Variants in VPS13A observed in about 807,000 individuals in gnomAD.
The protein encoded by VPS13A is vacuolar protein sorting 13 homolog A.
In VPS13A, 264 loss-of-function variants were observed where a neutral mutation model predicts 390.9. That is an observed-to-expected ratio of 0.68 (90% CI 0.61 to 0.75). The LOEUF (loss-of-function observed/expected upper bound fraction) is 0.75. VPS13A is among the 30% of genes least tolerant of loss of function. VPS13A has a pLI of 0.00. For missense variants in VPS13A, 3,409 were observed against 3,733.9 expected (o/e 0.91, Z 2.27); for synonymous variants, 1,231 against 1,227.1 (o/e 1.00, Z -0.07).
In VPS13A at chr9:77,227,272, T is replaced by C. The variant is rs994576584; in HGVS notation, c.1358-119T>C. Reference sequence around the variant, plus strand: ...GCCCCATTCAAACATTCAGTGTTTATAATTTCTTAAGAGCGTTCAAGAAAG... The same window carrying C: ...GCCCCATTCAAACATTCAGTGTTTACAATTTCTTAAGAGCGTTCAAGAAAG... On this transcript the variant is annotated intron_variant, in intron 15 of 71. Transcript: ENST00000360280. 13 of 741,286 alleles carry C rather than the reference T, an allele frequency of 1.8e-5. No individual in the cohort carries two copies. The African/African-American group carries it at 1.9e-4, about 11-fold the overall frequency. The allele number at this position is 741,286 out of a possible 1,614,324, so 45.9% of individuals were successfully genotyped here.
rs183237144 is a variant in VPS13A, at chr9:77,294,879, A to T, written c.3508-663A>T. ...AGGCCCTGCTAATTTTTTATTTTTA[A>T]TTTTTTTTTTAAGACACGATCTCGC... On this transcript the variant is annotated intron_variant, in intron 32 of 71. Coordinates refer to ENST00000360280, the MANE Select transcript of VPS13A (RefSeq NM_033305.3). 4.0e-3 allele frequency among the ~76,000 whole-genome samples: 605 copies of T among 150,002 alleles called. 3 individuals are homozygous for T. The highest frequency in any genetic ancestry group is 6.3e-3 in the Admixed American group (94 of 14,978).
intron 71 of VPS13A, among the ~76,000 whole-genome samples, chr9:77,410,882 G>A (rs529830082): frequency 7.9e-5 from 12 of 152,046 alleles, no homozygotes; most frequent in East Asian, 3.9e-4. Flanking sequence ...TTAGATCAAC[G>A]AGACAAAGTT....
chr9:77,237,947 A>G, intron 17 of VPS13A, 55 bp from the exon 18 acceptor site: 1 of 1,366,104 alleles, frequency 7.3e-7, no homozygotes, highest in South Asian at 1.3e-5. Flanking sequence ...TTCAATTTTT[A>G]AAATCCTTCA....
chr9:77,192,433 A>C (rs1206078524), intron 1 of VPS13A, among the ~76,000 whole-genome samples: 2 of 151,818 alleles, frequency 1.3e-5, no homozygotes, highest in Admixed American at 1.3e-4. Flanking sequence ...TGCTTTATAG[A>C]GTTAGTGGTC....
chr9:77,384,253 C>T (rs1159201079), intron 68 of VPS13A, among the ~76,000 whole-genome samples: 1 of 151,710 alleles, frequency 6.6e-6, no homozygotes, highest in Non-Finnish European at 1.5e-5. Context: ...GTGTACCTTT[C>T]TATCTAGAAG....
At chr9:77,410,433 T>C (rs1834863848) in intron 71 of VPS13A, among the ~76,000 whole-genome samples, 1 of 152,110 alleles carries the variant, frequency 6.6e-6, no homozygotes, top group Non-Finnish European at 1.5e-5. Flanking sequence ...AGGATCAAAT[T>C]CACACATAAC....
At chr9:77,304,023 C>T (rs527879898) in intron 34 of VPS13A, among the ~76,000 whole-genome samples, 51 of 152,218 alleles carry the variant, frequency 3.4e-4, no homozygotes, top group Middle Eastern at 3.4e-3. Context: ...GACTGGGGGA[C>T]GGTCAGGTCT....
intron 35 of VPS13A, among the ~76,000 whole-genome samples, chr9:77,308,565 G>C (rs1027651725): frequency 1.3e-5 from 2 of 152,152 alleles, no homozygotes; most frequent in Non-Finnish European, 2.9e-5. Context: ...GTAGATGGTG[G>C]AGTTTAACAA....
chr9:77,278,015 C>T (rs1000901336), intron 26 of VPS13A, among the ~76,000 whole-genome samples: 3 of 152,082 alleles, frequency 2.0e-5, no homozygotes, highest in Admixed American at 2.0e-4. Context: ...ACAGTGTTCC[C>T]TAGTAACCCA....
In VPS13A at chr9:77,353,390, T is replaced by G. The variant is rs1481502570; in HGVS notation, c.7420-19T>G. On this transcript the variant is annotated intron_variant, in intron 53 of 71. Transcript: ENST00000360280. The stretch of plus-strand genomic sequence containing the variant: ...TCTAATTTTTTGGTTTTTTTTTTTT[T>G]TTGGTGGTTTTATTCTAGGATATGA... 1.3e-6 allele frequency: 2 copies of G among 1,562,980 alleles called. No individual in the cohort carries two copies. The highest frequency in any genetic ancestry group is 2.4e-5 in the South Asian group (2 of 83,082).
At position 77,371,038 on chromosome 9, in the gene VPS13A, G is replaced by A; in HGVS notation, c.8966G>A (p.Gly2989Glu). The change falls in exon 67 of 72, where the codon GGA (glycine) becomes GAA (glutamate). Residue 2989 changes from glycine to glutamate, a missense_variant. Physicochemically the swap from Gly to Glu is moderately conservative, Grantham distance 98. Coordinates refer to ENST00000360280, the MANE Select transcript of VPS13A (RefSeq NM_033305.3). ...TTTTTCTTTCCAGGAGCTCAAAAAG[G>A]AGGAGCAGCTGGTTTCTTTAAAGGT... ...VTKPIKGAQK[G>E]GAAGFFKGVG... is the part of the protein sequence containing the mutation. 1 of 1,614,136 alleles carries A rather than the reference G, an allele frequency of 6.2e-7. No individual in the cohort carries two copies. The highest frequency in any genetic ancestry group is 8.5e-7 in the Non-Finnish European group (1 of 1,180,004).
At chr9:77,231,199 C>A (rs916244029) in intron 17 of VPS13A, among the ~76,000 whole-genome samples, 1 of 152,112 alleles carries the variant, frequency 6.6e-6, no homozygotes, top group African/African-American at 2.4e-5. Flanking sequence ...TTCTTCCATT[C>A]CGATGTGGAT....
intron 45 of VPS13A, among the ~76,000 whole-genome samples, chr9:77,331,488 T>C (rs920316439): frequency 9.2e-5 from 14 of 152,180 alleles, no homozygotes; most frequent in Non-Finnish European, 1.5e-4. Context: ...TTCATCTGTT[T>C]ATTGGTCAGT....
At position 77,281,925 on chromosome 9, in the gene VPS13A, A is replaced by T; in HGVS notation, c.2963A>T (p.Lys988Met). The stretch of plus-strand genomic sequence containing the variant: ...TATAACAATGTTTTACAATTGATTA[A>T]GGTATGAGTAGATAATTTATTTTTT... ...STYNNVLQLI[K>M]VNFSSLDIHL... is the part of the protein sequence containing the mutation. Residue 988 changes from lysine to methionine, a missense_variant and splice_region_variant, in exon 28 of 72, where the codon AAG (lysine) becomes ATG (methionine). Physicochemically the swap from Lys to Met is moderately conservative, Grantham distance 95. Coordinates refer to ENST00000360280, the MANE Select transcript of VPS13A (RefSeq NM_033305.3). 1 of 1,546,718 alleles carries T rather than the reference A, an allele frequency of 6.5e-7. No individual in the cohort carries two copies. Among genetic ancestry groups the T allele is most frequent in the East Asian group, 2.3e-5 (1 of 44,376 alleles).
rs557935058 is a variant in VPS13A at position 77,180,101 on chromosome 9, A to C, written c.100+2297A>C. Among the ~76,000 whole-genome samples, 43 of 152,286 alleles carry C rather than the reference A, an allele frequency of 2.8e-4. No homozygotes were observed. In the South Asian group the frequency reaches 8.3e-3, roughly 29 times the overall value. On this transcript the variant is annotated intron_variant, in intron 1 of 71. Transcript: ENST00000360280. ...TTCATAGACCACAATTTATTTATCT[A>C]TACTCACCAGTTGCTGGATGTTTAG...
chr9:77,254,939 A>G (rs1825354836), intron 22 of VPS13A, among the ~76,000 whole-genome samples: 1 of 152,142 alleles, frequency 6.6e-6, no homozygotes, highest in South Asian at 2.1e-4. Context: ...TCATCTGTGT[A>G]TGGAGTTAAT....
chr9:77,315,580 AT>A, intron 38 of VPS13A, 110 bp downstream of exon 38: 1 of 1,137,518 alleles, frequency 8.8e-7, no homozygotes, highest in Non-Finnish European at 1.3e-6. Flanking sequence ...AGAAATTAAA[AT>A]TTTATTTTTC....
At chr9:77,371,906 G>A (rs1288475403) in intron 67 of VPS13A, among the ~76,000 whole-genome samples, 2 of 139,986 alleles carry the variant, frequency 1.4e-5, no homozygotes, top group East Asian at 4.3e-4. Context: ...GCGGTGTTTG[G>A]TTTTTTGTTC....
intron 45 of VPS13A, among the ~76,000 whole-genome samples, chr9:77,327,294 T>C (rs960335781): frequency 1.3e-5 from 2 of 152,190 alleles, no homozygotes; most frequent in African/African-American, 4.8e-5. Flanking sequence ...TTTATTTAGT[T>C]AACTATTTTA....
Sources: gnomAD v4.1 joint callset for allele counts (sites outside exome capture counted in the v4.1 genomes callset) on GRCh38, gnomAD v4.1.1 for gene constraint, MANE v1.5 for transcripts, NCBI Gene and HGNC (gene_info 2026-07-23, HGNC 2026-07-21) for gene names.